Variants in ERC1 observed in about 807,000 individuals in gnomAD.
The protein encoded by ERC1 is ELKS/RAB6-interacting/CAST family member 1, also known as RAB6 interacting protein 2.
A neutral mutation model predicts 132.0 loss-of-function variants in ERC1; 56 were observed. The observed-to-expected ratio is 0.42, with a 90% CI of 0.34 to 0.53. The LOEUF is 0.53. Ranked by LOEUF, ERC1 falls within the 20% of genes least tolerant of loss-of-function variation. The pLI is 0.03. For missense variants in ERC1, 1,202 were observed against 1,349.9 expected (o/e 0.89, Z 1.72); for synonymous variants, 478 against 476.1 (o/e 1.00, Z -0.05).
At chr12:1,354,739 G>C (rs1044856762) in intron 15 of ERC1, among the ~76,000 whole-genome samples, 1 of 152,072 alleles carries the variant, frequency 6.6e-6, no homozygotes, top group Non-Finnish European at 1.5e-5. Flanking sequence ...CAACCTCCGC[G>C]TTCTAGGTTC....
chr12:1,156,227 CTTATT>C (rs1168719393), intron 8 of ERC1, among the ~76,000 whole-genome samples: 4 of 151,674 alleles, frequency 2.6e-5, no homozygotes, highest in African/African-American at 9.7e-5. Context: ...AGGGGTTTTT[CTTATT>C]TTATTTTATT....
At chr12:1,165,800 C>T (rs1952363239) in intron 8 of ERC1, among the ~76,000 whole-genome samples, 1 of 151,930 alleles carries the variant, frequency 6.6e-6, no homozygotes, top group Non-Finnish European at 1.5e-5. Flanking sequence ...ATTTTTTTTC[C>T]AATCGAGCTA....
At chr12:1,140,481 G>A (rs1373191379) in intron 7 of ERC1, among the ~76,000 whole-genome samples, 1 of 152,148 alleles carries the variant, frequency 6.6e-6, no homozygotes, top group Non-Finnish European at 1.5e-5. Context: ...TTTCCTTTAA[G>A]TGTCGTGTCA....
chr12:1,052,160 G>A (rs965158827), intron 2 of ERC1, among the ~76,000 whole-genome samples: 7 of 152,310 alleles, frequency 4.6e-5, no homozygotes, highest in Admixed American at 2.0e-4. Flanking sequence ...ATTTCTGATC[G>A]AGTAGGTCTG....
intron 14 of ERC1, among the ~76,000 whole-genome samples, chr12:1,282,398 C>T (rs1436715277): frequency 5.3e-5 from 8 of 152,070 alleles, no homozygotes; most frequent in Admixed American, 3.3e-4. Flanking sequence ...ACATCTAAAG[C>T]ACTTAGAACA....
At chr12:1,121,102 G>C (rs1172650864) in intron 7 of ERC1, among the ~76,000 whole-genome samples, 1 of 152,160 alleles carries the variant, frequency 6.6e-6, no homozygotes, top group Non-Finnish European at 1.5e-5. Flanking sequence ...CATTTTCCCA[G>C]TTAATTCTTA....
chr12:1,383,023 AG>A (rs1458776859), intron 16 of ERC1, among the ~76,000 whole-genome samples: 4 of 152,180 alleles, frequency 2.6e-5, no homozygotes, highest in Non-Finnish European at 5.9e-5. Context: ...CGTCATTTCC[AG>A]ATGTAGGAAA....
chr12:1,251,372 C>T (rs1370553780), intron 13 of ERC1, among the ~76,000 whole-genome samples: 2 of 152,018 alleles, frequency 1.3e-5, no homozygotes, highest in Non-Finnish European at 2.9e-5. Context: ...AATCCTGTAT[C>T]ATTTCTTCCT....
intron 18 of ERC1, among the ~76,000 whole-genome samples, chr12:1,462,225 C>G (rs917400575): frequency 4.6e-5 from 7 of 152,192 alleles, no homozygotes; most frequent in African/African-American, 1.7e-4. Flanking sequence ...GCAACTGGAA[C>G]TCTGATACAC....
intron 15 of ERC1, among the ~76,000 whole-genome samples, chr12:1,336,434 T>C (rs1476763190): frequency 6.6e-6 from 1 of 152,178 alleles, no homozygotes; most frequent in East Asian, 1.9e-4. Flanking sequence ...GTCCCAGAGA[T>C]TCTGGTATGT....
intron 2 of ERC1, among the ~76,000 whole-genome samples, chr12:1,081,208 T>G (rs983413717): frequency 2.0e-5 from 3 of 152,324 alleles, no homozygotes; most frequent in Non-Finnish European, 2.9e-5. Context: ...TGGAATTCAT[T>G]GTATAATGTG....
chr12:1,113,576 C>A (rs1222029699), intron 6 of ERC1, among the ~76,000 whole-genome samples: 2 of 152,106 alleles, frequency 1.3e-5, no homozygotes, highest in Non-Finnish European at 2.9e-5. Context: ...CAAACTTGGG[C>A]TACTTTTGTA....
At chr12:1,148,147 C>T (rs548309546) in intron 8 of ERC1, among the ~76,000 whole-genome samples, 5 of 152,222 alleles carry the variant, frequency 3.3e-5, no homozygotes, top group East Asian at 3.9e-4. Flanking sequence ...TTGGAAGTAA[C>T]GCATTGCTTA....
chr12:990,966 T>TGTGTGTGTGTGTGTGTGCGC (rs1565724279), upstream of ERC1: 1 of 151,504 alleles, frequency 6.6e-6, no homozygotes, highest in African/African-American at 2.4e-5. Flanking sequence ...TGTGTGTGTG[T>TGTGTGTGTGTGTGTGTGCGC]GCAGGGACGC....
At chr12:1,416,044 A>G (rs369406028) in intron 17 of ERC1, among the ~76,000 whole-genome samples, 44 of 152,216 alleles carry the variant, frequency 2.9e-4, no homozygotes, top group African/African-American at 1.0e-3. Context: ...TGCTGTCTCC[A>G]TTACACCATA....
At chr12:1,373,183 T>G (rs1415696892) in intron 16 of ERC1, among the ~76,000 whole-genome samples, 1 of 152,232 alleles carries the variant, frequency 6.6e-6, no homozygotes. Context: ...AGAATGTGCT[T>G]ATTATGAAAG....
chr12:1,219,954 A>G (rs1294193526), intron 12 of ERC1, among the ~76,000 whole-genome samples: 1 of 152,096 alleles, frequency 6.6e-6, no homozygotes, highest in Non-Finnish European at 1.5e-5. Flanking sequence ...GTGAAACCCA[A>G]GCTCCTTCCA....
intron 2 of ERC1, among the ~76,000 whole-genome samples, chr12:1,036,639 G>A (rs1178470569): frequency 2.0e-5 from 3 of 152,220 alleles, no homozygotes; most frequent in Non-Finnish European, 4.4e-5. Flanking sequence ...GCCTCCCAAA[G>A]TGTTGGGATT....
chr12:1,120,099 C>T (rs1167870472), intron 7 of ERC1, among the ~76,000 whole-genome samples: 2 of 152,020 alleles, frequency 1.3e-5, no homozygotes, highest in African/African-American at 4.8e-5. Context: ...GTGATCCTCC[C>T]ACTTCAGCAT....
Sources: allele counts gnomAD v4.1 joint callset (sites outside exome capture counted in the v4.1 genomes callset), GRCh38; gene constraint gnomAD v4.1.1; transcripts MANE v1.5; gene names NCBI Gene and HGNC (gene_info 2026-07-23, HGNC 2026-07-21).